TESC: variants seen among roughly 807,000 people sequenced by gnomAD.
TESC encodes calcineurin B homologous protein 3.
A neutral mutation model predicts 31.0 loss-of-function variants in TESC; 19 were observed. The observed-to-expected ratio is 0.61, with a 90% confidence interval of 0.43 to 0.90. TESC has a LOEUF of 0.90. TESC is among the 40% of genes least tolerant of loss of function. TESC has a pLI of 0.00. For synonymous variants in TESC, 109 were observed against 114.8 expected, an observed-to-expected ratio of 0.95 and a Z score of 0.32; for missense variants, 248 against 303.8, an observed-to-expected ratio of 0.82 and a Z score of 1.36.
At position 117,085,036 on chromosome 12, in the gene TESC, C is replaced by T. The variant is rs188053326; in HGVS notation, c.59-9696G>A. ...CCTCGCCAGGATCCAGGACAGTAAA[C>T]GCTGCTTCAGCTGGCCAAGGGGCAC... On this transcript the variant is annotated intron_variant, in intron 1 of 7. Coordinates refer to ENST00000335209, the MANE Select transcript of TESC (RefSeq NM_017899.4). 2.1e-4 allele frequency among the ~76,000 whole-genome samples: 32 copies of T among 152,354 alleles called. No homozygotes were observed. The East Asian group carries it at 4.8e-3, about 23-fold the overall frequency.
intron 2 of TESC, among the ~76,000 whole-genome samples, chr12:117,065,552 C>T (rs371703460): frequency 6.6e-6 from 1 of 152,142 alleles, no homozygotes; most frequent in East Asian, 1.9e-4. Context: ...GCAGTTGCTA[C>T]ATGAGTCAGG....
At chr12:117,073,301 C>A (rs75131121) in intron 2 of TESC, among the ~76,000 whole-genome samples, 2,318 of 152,302 alleles carry the variant, frequency 0.015, 64 homozygotes, top group African/African-American at 0.053. Flanking sequence ...CCCATCAGAG[C>A]CAATGAGAAG....
At chr12:117,068,662 G>C (rs1489442950) in intron 2 of TESC, among the ~76,000 whole-genome samples, 1 of 152,220 alleles carries the variant, frequency 6.6e-6, no homozygotes, top group Non-Finnish European at 1.5e-5. Flanking sequence ...ATGGAGCATG[G>C]AGTCCCTTTT....
Position 117,075,212 on chromosome 12 carries a change from G to C in TESC, c.128+59C>G, listed in dbSNP as rs377075957. ...ACTCAGCACTCAAGAAAAGAAACAG[G>C]ACAAGAAATTTGCAAGGGCATGGCC... On this transcript the variant is annotated intron_variant, in intron 2 of 7. Coordinates refer to ENST00000335209, the MANE Select transcript of TESC (RefSeq NM_017899.4). The C allele has an allele frequency of 1.9e-4, 296 of 1,545,536 alleles. 1 individual carries two copies. In the African/African-American group the frequency reaches 3.5e-3, roughly 19 times the overall value.
At position 117,074,963 on chromosome 12, in the gene TESC, G is replaced by A. The variant is rs184973956; in HGVS notation, c.128+308C>T. Among the ~76,000 whole-genome samples the A allele has an allele frequency of 1.5e-4, 23 of 152,192 alleles. No homozygotes were observed. The East Asian group carries it at 2.1e-3, about 14-fold the overall frequency. On this transcript the variant is annotated intron_variant, in intron 2 of 7. Transcript: ENST00000335209. ...AGATCGAAACCATCCTGGCTAACAC[G>A]GTGAAACCCCGTCTCTACTAAAAAT...
At chr12:117,045,319 C>A (rs1408265365) in intron 6 of TESC, among the ~76,000 whole-genome samples, 1 of 152,238 alleles carries the variant, frequency 6.6e-6, no homozygotes, top group Non-Finnish European at 1.5e-5. Context: ...GGGTTTTATG[C>A]AGATCAGCAG....
intron 1 of TESC, among the ~76,000 whole-genome samples, chr12:117,088,000 TATAG>T (rs575943096): frequency 1.3e-5 from 2 of 152,196 alleles, no homozygotes; most frequent in Non-Finnish European, 2.9e-5. Flanking sequence ...ACACCCATTT[TATAG>T]ATAAAGAAAC....
At chr12:117,052,888 G>A (rs895610391) in intron 3 of TESC, among the ~76,000 whole-genome samples, 2 of 152,112 alleles carry the variant, frequency 1.3e-5, no homozygotes, top group Non-Finnish European at 2.9e-5. Flanking sequence ...AATGAGCTTT[G>A]CAAAATGCAA....
chr12:117,040,142 G>A (rs1264881906), intron 7 of TESC, among the ~76,000 whole-genome samples: 2 of 152,274 alleles, frequency 1.3e-5, no homozygotes, highest in Non-Finnish European at 2.9e-5. Flanking sequence ...AGGCGACAGG[G>A]AGGCCTTGGG....
chr12:117,081,521 T>C (rs771731598), intron 1 of TESC, among the ~76,000 whole-genome samples: 3 of 152,170 alleles, frequency 2.0e-5, no homozygotes, highest in Non-Finnish European at 4.4e-5. Context: ...GAATCAGAAC[T>C]TGATCCCTAG....
Position 117,039,103 on chromosome 12 carries a change from G to A in TESC, c.*30C>T. The A allele has an allele frequency of 6.2e-7, 1 of 1,611,572 alleles. No homozygotes were observed. The highest frequency in any genetic ancestry group is 8.5e-7 in the Non-Finnish European group (1 of 1,178,906). ...CGCGGGGAGGCGGCCCCATTGCAAA[G>A]TGCAGTTTCTCCGCGGAGGTGGCGG... On this transcript the variant is annotated 3_prime_UTR_variant, in exon 8 of 8. Transcript: ENST00000335209.
chr12:117,068,519 A>G (rs1161974742), intron 2 of TESC, among the ~76,000 whole-genome samples: 1 of 152,084 alleles, frequency 6.6e-6, no homozygotes, highest in Non-Finnish European at 1.5e-5. Context: ...ACAGAGCGAG[A>G]CTCTGTCTCA....
In TESC at chr12:117,056,786, G is replaced by A; in HGVS notation, c.209+20C>T. The A allele has an allele frequency of 6.2e-7, 1 of 1,613,192 alleles. No individual in the cohort carries two copies. The highest frequency in any genetic ancestry group is 8.5e-7 in the Non-Finnish European group (1 of 1,179,206). On this transcript the variant is annotated intron_variant, in intron 3 of 7. Transcript: ENST00000335209. ...GACAAGGGTGCCTGCCACTGGGCTGGTTCAGGGGAAAACGCCCACCTGTTG... is the reference window on the plus strand; with the variant it reads ...GACAAGGGTGCCTGCCACTGGGCTGATTCAGGGGAAAACGCCCACCTGTTG...
At chr12:117,093,989 G>T (rs1386336759) in intron 1 of TESC, among the ~76,000 whole-genome samples, 3 of 152,074 alleles carry the variant, frequency 2.0e-5, no homozygotes, top group African/African-American at 7.2e-5. Flanking sequence ...AAGGACAACT[G>T]ACTCAGGTGA....
intron 1 of TESC, among the ~76,000 whole-genome samples, chr12:117,090,708 G>C (rs769483741): frequency 6.6e-6 from 1 of 152,172 alleles, no homozygotes; most frequent in Non-Finnish European, 1.5e-5. Flanking sequence ...GCCATAGTGG[G>C]ACTCTGGCTG....
intron 1 of TESC, among the ~76,000 whole-genome samples, chr12:117,096,998 C>T (rs1417597674): frequency 6.6e-6 from 1 of 152,230 alleles, no homozygotes; most frequent in Non-Finnish European, 1.5e-5. Context: ...TGCCACCCTG[C>T]TATGCCTCGT....
At chr12:117,075,913 A>ATATGTG (rs1265957613) in intron 1 of TESC, among the ~76,000 whole-genome samples, 850 of 51,680 alleles carry the variant, frequency 0.016, 21 homozygotes, top group Non-Finnish European at 0.022. Flanking sequence ...ATATATATAT[A>ATATGTG]TGTGTGTGTG....
intron 1 of TESC, among the ~76,000 whole-genome samples, chr12:117,081,963 G>A (rs1955155035): frequency 6.6e-6 from 1 of 151,524 alleles, no homozygotes; most frequent in Non-Finnish European, 1.5e-5. Context: ...GTGGCTTGTG[G>A]CTGTAATCCC....
At chr12:117,057,608 ACAACCCAG>A (rs1158976158) in intron 2 of TESC, among the ~76,000 whole-genome samples, 2 of 152,322 alleles carry the variant, frequency 1.3e-5, no homozygotes, top group Admixed American at 1.3e-4. Flanking sequence ...TGGAGTATTG[ACAACCCAG>A]CAACTCCACT....
Sources: gnomAD v4.1 joint callset for allele counts (sites outside exome capture counted in the v4.1 genomes callset) on GRCh38, gnomAD v4.1.1 for gene constraint, MANE v1.5 for transcripts, NCBI Gene and HGNC (gene_info 2026-07-23, HGNC 2026-07-21) for gene names.